ERC2: variants seen among roughly 807,000 people sequenced by gnomAD.
ERC2 encodes ERC protein 2.
A neutral mutation model predicts 114.8 loss-of-function variants in ERC2; 42 were observed. That is an observed-to-expected ratio of 0.37 (90% CI 0.29 to 0.47). ERC2 has a LOEUF of 0.47. Among genes scored for constraint, ERC2 ranks in the 20% least tolerant of loss-of-function variants. ERC2 has a pLI of 0.99. For missense variants in ERC2, 939 were observed against 1,150.7 expected, an observed-to-expected ratio of 0.82 and a Z score of 2.66; for synonymous variants, 454 against 425.5, an observed-to-expected ratio of 1.07 and a Z score of -0.82.
chr3:55,894,345 T>C (rs1017991385), intron 13 of ERC2, among the ~76,000 whole-genome samples: 1 of 152,176 alleles, frequency 6.6e-6, no homozygotes, highest in East Asian at 1.9e-4. Flanking sequence ...ACCATTGCTA[T>C]GCAAAAATTA....
At chr3:56,149,979 A>T (rs1040411408) in intron 4 of ERC2, among the ~76,000 whole-genome samples, 14 of 150,724 alleles carry the variant, frequency 9.3e-5, no homozygotes, top group South Asian at 4.1e-4. Context: ...AACAAAAAAA[A>T]TGACGAAAAA....
chr3:55,949,860 T>C (rs2067379341), intron 13 of ERC2, among the ~76,000 whole-genome samples: 1 of 152,224 alleles, frequency 6.6e-6, no homozygotes. Context: ...TAAGGGTGGT[T>C]AATGAGGAAA....
intron 17 of ERC2, among the ~76,000 whole-genome samples, chr3:55,655,348 C>T (rs1233561809): frequency 6.6e-6 from 1 of 152,196 alleles, no homozygotes; most frequent in Admixed American, 6.5e-5. Context: ...ACTCAGAAAA[C>T]TCCTACCTAT....
At chr3:55,833,457 A>G (rs1261635884) in intron 14 of ERC2, among the ~76,000 whole-genome samples, 1 of 152,096 alleles carries the variant, frequency 6.6e-6, no homozygotes, top group East Asian at 1.9e-4. Flanking sequence ...CCAATATTCA[A>G]CATTCTTAAA....
intron 2 of ERC2, among the ~76,000 whole-genome samples, chr3:56,404,126 A>G (rs1023154369): frequency 6.6e-6 from 1 of 152,218 alleles, no homozygotes; most frequent in Non-Finnish European, 1.5e-5. Flanking sequence ...AATGTTCTCA[A>G]ATATATTCCA....
chr3:56,261,412 T>A (rs989611914), intron 3 of ERC2, among the ~76,000 whole-genome samples: 1 of 152,218 alleles, frequency 6.6e-6, no homozygotes, highest in Non-Finnish European at 1.5e-5. Flanking sequence ...AACCTTATTC[T>A]TGTATATAAC....
At chr3:55,817,366 G>T (rs1182419218) in intron 14 of ERC2, among the ~76,000 whole-genome samples, 1 of 152,208 alleles carries the variant, frequency 6.6e-6, no homozygotes, top group Non-Finnish European at 1.5e-5. Flanking sequence ...CCAGCAGTGA[G>T]GTGGGCAGCC....
At chr3:55,890,139 T>G (rs2063535838) in intron 13 of ERC2, among the ~76,000 whole-genome samples, 1 of 152,230 alleles carries the variant, frequency 6.6e-6, no homozygotes, top group Non-Finnish European at 1.5e-5. Flanking sequence ...TAAAAAGTAT[T>G]AATAAACTTT....
At chr3:56,255,413 T>C in intron 3 of ERC2, among the ~76,000 whole-genome samples, 1 of 152,222 alleles carries the variant, frequency 6.6e-6, no homozygotes, top group East Asian at 1.9e-4. Flanking sequence ...ACCCCGCAGC[T>C]GCTTTCGCCA....
chr3:55,551,816 G>A (rs1196335318), intron 17 of ERC2, among the ~76,000 whole-genome samples: 4 of 152,236 alleles, frequency 2.6e-5, no homozygotes, highest in Non-Finnish European at 4.4e-5. Context: ...CCAGAATAAC[G>A]TTTGACCAAC....
intron 17 of ERC2, among the ~76,000 whole-genome samples, chr3:55,567,008 A>G (rs2056420201): frequency 6.6e-6 from 1 of 152,164 alleles, no homozygotes; most frequent in Non-Finnish European, 1.5e-5. Flanking sequence ...ACCGATAATT[A>G]ATTTTCAAAA....
chr3:55,914,592 T>C (rs552044045), intron 13 of ERC2, among the ~76,000 whole-genome samples: 1 of 152,320 alleles, frequency 6.6e-6, no homozygotes, highest in South Asian at 2.1e-4. Flanking sequence ...TCTCCTTAGA[T>C]GCAAGGTCTG....
rs546403555 is a variant in ERC2 at position 55,775,334 on chromosome 3, C to A, written c.2565-40416G>T. On this transcript the variant is annotated intron_variant, in intron 14 of 17. Coordinates refer to ENST00000288221, the MANE Select transcript of ERC2 (RefSeq NM_015576.3). ...ATCACTTGAGGTCAGGAGTTTGAGGCCAGCCTGATCAACATGGTAAAACCT... is the reference window on the plus strand; with the variant it reads ...ATCACTTGAGGTCAGGAGTTTGAGGACAGCCTGATCAACATGGTAAAACCT... 4.6e-5 allele frequency among the ~76,000 whole-genome samples: 7 copies of A among 152,056 alleles called. No homozygotes were observed. In the East Asian group the frequency reaches 1.2e-3, roughly 25 times the overall value.
At chr3:56,416,635 G>A (rs568422587) in intron 2 of ERC2, among the ~76,000 whole-genome samples, 11 of 136,988 alleles carry the variant, frequency 8.0e-5, no homozygotes, top group African/African-American at 2.2e-4. Flanking sequence ...GATAAATGAC[G>A]CTTTGCCAAC....
rs146605581 is a variant in ERC2, at chr3:56,256,948, G to A, written c.1074+39071C>T. On this transcript the variant is annotated intron_variant, in intron 3 of 17. Coordinates refer to ENST00000288221, the MANE Select transcript of ERC2 (RefSeq NM_015576.3). ...TCCTTTATAAATTACCCAGTCTCAG[G>A]CATCTCTTTATATCCATGTAAAAAT... 3.4e-3 allele frequency among the ~76,000 whole-genome samples: 522 copies of A among 152,194 alleles called. 6 individuals carry two copies. Among genetic ancestry groups the A allele is most frequent in the African/African-American group, 0.012 (504 of 41,522 alleles).
At chr3:56,107,183 A>G (rs1242426543) in intron 6 of ERC2, among the ~76,000 whole-genome samples, 1 of 152,086 alleles carries the variant, frequency 6.6e-6, no homozygotes, top group Non-Finnish European at 1.5e-5. Flanking sequence ...AATGATGGCA[A>G]TGTTTGAGTC....
chr3:56,273,412 C>T (rs1016407944), intron 3 of ERC2, among the ~76,000 whole-genome samples: 1 of 151,822 alleles, frequency 6.6e-6, no homozygotes, highest in East Asian at 1.9e-4. Context: ...CACTACCATA[C>T]CCAGCTAATT....
At chr3:56,246,783 G>A (rs986337817) in intron 3 of ERC2, among the ~76,000 whole-genome samples, 1 of 152,184 alleles carries the variant, frequency 6.6e-6, no homozygotes, top group Admixed American at 6.5e-5. Context: ...CCTACTTAGT[G>A]TCCTGAAGCC....
intron 3 of ERC2, among the ~76,000 whole-genome samples, chr3:56,182,018 T>G (rs2083316779): frequency 1.3e-5 from 2 of 152,158 alleles, no homozygotes; most frequent in Non-Finnish European, 1.5e-5. Context: ...ACTCCCAAAT[T>G]CCTGACCTAC....
Sources: allele counts gnomAD v4.1 joint callset (sites outside exome capture counted in the v4.1 genomes callset), GRCh38; gene constraint gnomAD v4.1.1; transcripts MANE v1.5; gene names NCBI Gene and HGNC (gene_info 2026-07-23, HGNC 2026-07-21).